Variants in DNAH5 observed in about 807,000 individuals in gnomAD.
The protein encoded by DNAH5 is axonemal beta dynein heavy chain 5.
DNAH5 carries 372 observed loss-of-function variants against 518.2 expected under a neutral mutation model. That is an observed-to-expected ratio of 0.72 (90% CI 0.66 to 0.78). DNAH5 has a LOEUF of 0.78. DNAH5 is among the 30% of genes least tolerant of loss of function. The pLI is 0.00. For missense variants in DNAH5, 5,523 were observed against 5,687.0 expected (o/e 0.97, Z 0.93); for synonymous variants, 2,039 against 2,025.9 (o/e 1.01, Z -0.17).
intron 47 of DNAH5, among the ~76,000 whole-genome samples, chr5:13,794,337 C>G (rs1246879365): frequency 6.6e-6 from 1 of 152,020 alleles, no homozygotes; most frequent in African/African-American, 2.4e-5. Context: ...TAAAAATTTA[C>G]TTTTGTCTTC....
intron 78 of DNAH5, among the ~76,000 whole-genome samples, chr5:13,693,461 G>C (rs10036995): frequency 0.044 from 6,729 of 152,232 alleles, 513 homozygotes; most frequent in African/African-American, 0.15. Flanking sequence ...TTAATTAATT[G>C]TATTAGAAGA....
intron 1 of DNAH5, among the ~76,000 whole-genome samples, chr5:14,003,883 CAAAG>C (rs34020894): frequency 0.018 from 2,788 of 152,280 alleles, 88 homozygotes; most frequent in African/African-American, 0.064. Context: ...TGAGATTACA[CAAAG>C]AGAGAGAGGT....
chr5:13,972,162 C>T (rs935882792), intron 1 of DNAH5, among the ~76,000 whole-genome samples: 17 of 152,172 alleles, frequency 1.1e-4, no homozygotes, highest in African/African-American at 3.9e-4. Context: ...TAGTCTCACT[C>T]CTACCGTGGG....
Position 13,753,180 on chromosome 5 carries a change from T to C in DNAH5, c.10872+53A>G, listed in dbSNP as rs2126699873. On this transcript the variant is annotated intron_variant, in intron 63 of 78. Coordinates refer to ENST00000265104, the MANE Select transcript of DNAH5 (RefSeq NM_001369.3). ...TTCTTTACTCTTGGATTTTTGTTTATCTGAGGCAATAAAACTTAACCGGTA... is the reference window on the plus strand; with the variant it reads ...TTCTTTACTCTTGGATTTTTGTTTACCTGAGGCAATAAAACTTAACCGGTA... 3.6e-6 allele frequency: 5 copies of C among 1,384,654 alleles called. No homozygotes were observed. In the South Asian group the frequency reaches 4.7e-5, roughly 13 times the overall value. 85.8% of individuals were successfully genotyped at this position (1,384,654 alleles called of 1,614,324 possible). A position where few individuals can be genotyped will look rare whatever the true frequency, so the allele number is the denominator to read the frequency against.
chr5:13,986,241 CT>C (rs1783050542), intron 1 of DNAH5, among the ~76,000 whole-genome samples: 3 of 152,210 alleles, frequency 2.0e-5, no homozygotes, highest in South Asian at 4.1e-4. Flanking sequence ...GCATTCTGAG[CT>C]TCCCAGCAGC....
Position 13,721,263 on chromosome 5 carries a change from C to T in DNAH5, c.12034-18G>A. Reference sequence around the variant, plus strand: ...TTGCGGGCCTGCCAAAAACAGTATACAAGTCAGTAAAAGTCATTCCAACTC... The same window carrying T: ...TTGCGGGCCTGCCAAAAACAGTATATAAGTCAGTAAAAGTCATTCCAACTC... On this transcript the variant is annotated intron_variant, in intron 70 of 78. Coordinates refer to ENST00000265104, the MANE Select transcript of DNAH5 (RefSeq NM_001369.3). 1 of 1,613,990 alleles carries T rather than the reference C, an allele frequency of 6.2e-7. No homozygotes were observed. Among genetic ancestry groups the T allele is most frequent in the South Asian group, 1.1e-5 (1 of 91,062 alleles).
At chr5:13,910,095 T>C (rs1315805412) in intron 12 of DNAH5, among the ~76,000 whole-genome samples, 1 of 152,236 alleles carries the variant, frequency 6.6e-6, no homozygotes, top group African/African-American at 2.4e-5. Flanking sequence ...ACTGTCCTTA[T>C]GTCTGAATCT....
intron 5 of DNAH5, among the ~76,000 whole-genome samples, chr5:13,920,986 T>TC (rs1216378979): frequency 6.6e-6 from 1 of 151,920 alleles, no homozygotes; most frequent in Non-Finnish European, 1.5e-5. Context: ...GCAATTTTAT[T>TC]TTTTTAGTAG....
chr5:13,961,406 G>A (rs893763948), intron 1 of DNAH5, among the ~76,000 whole-genome samples: 1 of 151,996 alleles, frequency 6.6e-6, no homozygotes. Context: ...CACTTTAGGA[G>A]GCTGAGGCGG....
At chr5:13,754,089 A>T in intron 62 of DNAH5, 114 bp downstream of exon 62, 1 of 1,233,952 alleles carries the variant, frequency 8.1e-7, no homozygotes, top group Non-Finnish European at 1.2e-6. Context: ...CGGGTTTGTT[A>T]CATATGTATA....
chr5:13,923,443 A>G lies in DNAH5; in HGVS notation c.278-3T>C, dbSNP rs1244727714. The G allele has an allele frequency of 3.1e-6, 5 of 1,614,012 alleles. No homozygotes were observed. The Admixed American group carries it at 6.7e-5, about 22-fold the overall frequency. ...CCCTCCTAGAGAGCCAAGTTGTCCT[A>G]CAAAAGCAAAATAATTTTAGTTTCA... On this transcript the variant is annotated splice_region_variant and splice_polypyrimidine_tract_variant and intron_variant, in intron 3 of 78. Coordinates refer to ENST00000265104, the MANE Select transcript of DNAH5 (RefSeq NM_001369.3).
intron 60 of DNAH5, among the ~76,000 whole-genome samples, chr5:13,761,631 GA>G (rs1283739726): frequency 1.3e-5 from 2 of 150,566 alleles, no homozygotes; most frequent in Non-Finnish European, 2.9e-5. Flanking sequence ...TTACCCACTG[GA>G]AAAGTATGCA....
chr5:13,885,621 G>A (rs952165117), intron 18 of DNAH5, among the ~76,000 whole-genome samples: 5 of 152,094 alleles, frequency 3.3e-5, no homozygotes, highest in African/African-American at 1.2e-4. Flanking sequence ...CCTGCAAAAG[G>A]TGCGCTCAGT....
intron 52 of DNAH5, among the ~76,000 whole-genome samples, chr5:13,785,677 C>T (rs908246097): frequency 3.3e-5 from 5 of 152,230 alleles, no homozygotes; most frequent in African/African-American, 1.2e-4. Context: ...CCCCAATCGT[C>T]TCTCCACCCA....
chr5:13,856,625 C>A (rs1433326579), intron 30 of DNAH5, among the ~76,000 whole-genome samples: 1 of 152,124 alleles, frequency 6.6e-6, no homozygotes, highest in Non-Finnish European at 1.5e-5. Flanking sequence ...CAATAAAATA[C>A]AAGCAAACCG....
At position 13,777,284 on chromosome 5, in the gene DNAH5, C is replaced by T. The variant is rs1754238456; in HGVS notation, c.9023G>A (p.Gly3008Glu). ...LYRTAGQQGK[G>E]ITFIFTDNEI... Reference sequence around the variant, plus strand: ...ATTGTCTGTGAAAATAAAAGTGATTCCTTTGCCTTGCTGACCAGCTGTTCG... The same window carrying T: ...ATTGTCTGTGAAAATAAAAGTGATTTCTTTGCCTTGCTGACCAGCTGTTCG... The change falls in exon 54 of 79, where the codon GGA (glycine) becomes GAA (glutamate). Residue 3008 changes from glycine to glutamate, a missense_variant. Physicochemically the swap from Gly to Glu is moderately conservative, Grantham distance 98. Around this residue, in one of 3 missense-constraint regions of DNAH5, gnomAD observed 5,121 missense variants for 5,223.3 expected, o/e 0.98. Coordinates refer to ENST00000265104, the MANE Select transcript of DNAH5 (RefSeq NM_001369.3). The T allele has an allele frequency of 1.2e-6, 2 of 1,613,318 alleles. No homozygotes were observed. The highest frequency in any genetic ancestry group is 1.3e-5 in the African/African-American group (1 of 74,996).
chr5:13,723,478 A>G (rs1745320097), intron 70 of DNAH5, among the ~76,000 whole-genome samples: 1 of 152,246 alleles, frequency 6.6e-6, no homozygotes, highest in Non-Finnish European at 1.5e-5. Context: ...GTTCTGCCAT[A>G]TAACTCAGCA....
intron 1 of DNAH5, among the ~76,000 whole-genome samples, chr5:13,935,600 CA>C (rs1778851724): frequency 6.6e-6 from 1 of 152,204 alleles, no homozygotes; most frequent in African/African-American, 2.4e-5. Context: ...TTATCAATCT[CA>C]ACTTTCATTG....
intron 55 of DNAH5, among the ~76,000 whole-genome samples, chr5:13,772,237 A>G (rs1362431579): frequency 1.3e-5 from 2 of 152,182 alleles, no homozygotes; most frequent in African/African-American, 4.8e-5. Context: ...ATTATGGGAT[A>G]TTCTCGGGGA....
Sources: allele counts gnomAD v4.1 joint callset (sites outside exome capture counted in the v4.1 genomes callset), GRCh38; gene constraint gnomAD v4.1.1; regional missense constraint gnomAD v4.1.1; transcripts MANE v1.5; gene names NCBI Gene and HGNC (gene_info 2026-07-23, HGNC 2026-07-21).